The following FBXL5 variants were observed in gnomAD, a reference collection of about 807,000 sequenced individuals.
FBXL5 encodes F-box and leucine rich repeat protein 5, also known as F-box/LRR-repeat protein 5.
FBXL5 carries 26 observed loss-of-function variants against 78.3 expected under a neutral mutation model. The observed-to-expected ratio is 0.33, with a 90% confidence interval of 0.24 to 0.46. FBXL5 has a LOEUF of 0.46. Among genes scored for constraint, FBXL5 ranks in the 20% least tolerant of loss-of-function variants. The pLI is 1.00. For missense variants in FBXL5, 710 were observed against 829.2 expected (o/e 0.86, Z 1.77); for synonymous variants, 295 against 282.5 (o/e 1.04, Z -0.45).
At chr4:15,630,896 T>C (rs913870360) in intron 5 of FBXL5, 105 bp from the exon 6 acceptor site, 110 of 1,424,938 alleles carry the variant, frequency 7.7e-5, no homozygotes, top group Admixed American at 2.0e-4. Flanking sequence ...AGAGAAAACA[T>C]CTGAGCCCTA....
upstream of FBXL5, among the ~76,000 whole-genome samples, chr4:15,656,040 G>A (rs1716900588): frequency 6.6e-6 from 1 of 152,238 alleles, no homozygotes; most frequent in South Asian, 2.1e-4. Flanking sequence ...TCAACGTGGG[G>A]GAAAAACAGT....
chr4:15,625,193 T>C, intron 9 of FBXL5, 59 bp downstream of exon 9: 1 of 1,499,532 alleles, frequency 6.7e-7, no homozygotes. Context: ...AAAATTTTTA[T>C]ATTCCATTTG....
At chr4:15,612,035 A>G (rs1722304712) in intron 10 of FBXL5, 2 of 381,884 alleles carry the variant, frequency 5.2e-6, no homozygotes, top group Non-Finnish European at 9.2e-6. Context: ...ACATCCCTCA[A>G]AAATCTGACA....
At chr4:15,650,363 G>A (rs1164618621) in intron 1 of FBXL5, among the ~76,000 whole-genome samples, 1 of 152,090 alleles carries the variant, frequency 6.6e-6, no homozygotes, top group Non-Finnish European at 1.5e-5. Context: ...AAATTTCAGG[G>A]AACAGTATTT....
chr4:15,674,882 C>T (rs979497803), intron 1 of FBXL5, among the ~76,000 whole-genome samples: 1 of 152,308 alleles, frequency 6.6e-6, no homozygotes, highest in Non-Finnish European at 1.5e-5. Context: ...ATCTCCTGAC[C>T]TTGTGATCCG....
At chr4:15,658,507 TATC>T (rs1717129973), upstream of FBXL5, among the ~76,000 whole-genome samples, 1 of 152,160 alleles carries the variant, frequency 6.6e-6, no homozygotes, top group South Asian at 2.1e-4. Context: ...ATTCATGGGT[TATC>T]ATAGGAGTGG....
intron 3 of FBXL5, among the ~76,000 whole-genome samples, chr4:15,640,423 T>A (rs1714737629): frequency 7.1e-6 from 1 of 140,354 alleles, no homozygotes; most frequent in Admixed American, 7.1e-5. Flanking sequence ...TGAAAAAATC[T>A]TTAAACATAG....
chr4:15,652,723 TAAA>T (rs1193067830), intron 1 of FBXL5, among the ~76,000 whole-genome samples: 1 of 152,204 alleles, frequency 6.6e-6, no homozygotes, highest in Non-Finnish European at 1.5e-5. Context: ...TGGATGCTTC[TAAA>T]ATACATTCTA....
At chr4:15,672,800 A>AT (rs1298407258) in intron 1 of FBXL5, among the ~76,000 whole-genome samples, 1 of 152,174 alleles carries the variant, frequency 6.6e-6, no homozygotes, top group Non-Finnish European at 1.5e-5. Flanking sequence ...AAACTTAAAA[A>AT]TTTTTTTAAA....
intron 1 of FBXL5, among the ~76,000 whole-genome samples, chr4:15,646,849 T>C (rs2148680773): frequency 6.6e-6 from 1 of 152,126 alleles, no homozygotes; most frequent in African/African-American, 2.4e-5. Flanking sequence ...TTCCAGCTTC[T>C]AGATATTATT....
At chr4:15,655,150 C>T (rs1206819441) in intron 1 of FBXL5, 54 bp downstream of exon 1, 2 of 1,307,736 alleles carry the variant, frequency 1.5e-6, no homozygotes, top group Non-Finnish European at 1.0e-6. Context: ...GAACCCAGCC[C>T]GCTCCCCATC....
At position 15,625,437 on chromosome 4, in the gene FBXL5, T is replaced by C. The variant is rs940040211; in HGVS notation, c.1665A>G (p.Thr555=). 3.1e-6 allele frequency: 5 copies of C among 1,614,152 alleles called. No homozygotes were observed. The highest frequency in any genetic ancestry group is 3.4e-6 in the Non-Finnish European group (4 of 1,180,012). Residue 555 remains threonine (T), a synonymous_variant, in exon 9 of 11, where the codon ACA becomes ACG. Coordinates refer to ENST00000341285, the MANE Select transcript of FBXL5 (RefSeq NM_012161.4). ...YCGHSFCCTG[T]ALRTMSSLPE... ...GGAGTGATGACATAGTTCTTAAAGC[T>C]GTTCCTGTACAACAAAATGAGTGAC...
chr4:15,621,659 G>A (rs1007509956), intron 9 of FBXL5, among the ~76,000 whole-genome samples: 30 of 152,068 alleles, frequency 2.0e-4, no homozygotes, highest in African/African-American at 7.0e-4. Flanking sequence ...ACTTATATGA[G>A]GGGCCCAAAG....
chr4:15,612,265 C>T lies in FBXL5; in HGVS notation c.1999+1G>A. 1 of 1,592,058 alleles carries T rather than the reference C, an allele frequency of 6.3e-7. No individual in the cohort carries two copies. The highest frequency in any genetic ancestry group is 8.5e-7 in the Non-Finnish European group (1 of 1,172,502). ...ATTATCGCACTGTTAAAAGGCATTA[C>T]CGTTAATGTTGTCACAGTAGTAAAA... On this transcript the variant is annotated splice_donor_variant, in intron 10 of 10. Coordinates refer to ENST00000341285, the MANE Select transcript of FBXL5 (RefSeq NM_012161.4). LOFTEE classifies it high-confidence loss of function.
In FBXL5 at chr4:15,612,255, A is replaced by G. The variant is rs1440100102; in HGVS notation, c.1999+11T>C. ...TTCCTTCAAAATTATCGCACTGTTA[A>G]AAGGCATTACCGTTAATGTTGTCAC... On this transcript the variant is annotated intron_variant, in intron 10 of 10. Transcript: ENST00000341285. 6 of 1,566,062 alleles carry G rather than the reference A, an allele frequency of 3.8e-6. No homozygotes were observed. The highest frequency in any genetic ancestry group is 4.3e-6 in the Non-Finnish European group (5 of 1,162,928).
At chr4:15,639,524 C>A (rs1714619623) in intron 3 of FBXL5, among the ~76,000 whole-genome samples, 1 of 152,180 alleles carries the variant, frequency 6.6e-6, no homozygotes, top group African/African-American at 2.4e-5. Context: ...ATGGAGATTT[C>A]TTCTGCTAAA....
intron 2 of FBXL5, among the ~76,000 whole-genome samples, 169 bp downstream of exon 2, chr4:15,644,324 C>T (rs1715165626): frequency 6.6e-6 from 1 of 152,186 alleles, no homozygotes; most frequent in African/African-American, 2.4e-5. Flanking sequence ...TGCAAACTCC[C>T]CACTGCAGTA....
intron 1 of FBXL5, among the ~76,000 whole-genome samples, chr4:15,654,872 G>A (rs1003022199): frequency 2.6e-5 from 4 of 152,178 alleles, no homozygotes; most frequent in African/African-American, 7.2e-5. Flanking sequence ...TCTCCTTAGA[G>A]GCAGCAGCGG....
At chr4:15,625,178 A>G (rs1577440567) in intron 9 of FBXL5, 74 bp downstream of exon 9, 2 of 1,471,588 alleles carry the variant, frequency 1.4e-6, no homozygotes, top group East Asian at 4.6e-5. Context: ...AGAATGACTT[A>G]GATCAAAATT....
Sources: allele counts gnomAD v4.1 joint callset (sites outside exome capture counted in the v4.1 genomes callset), GRCh38; gene constraint gnomAD v4.1.1; transcripts MANE v1.5; gene names NCBI Gene and HGNC (gene_info 2026-07-23, HGNC 2026-07-21).